Variants in THNSL2 observed in about 807,000 individuals in gnomAD.
THNSL2 encodes threonine synthase like 2.
THNSL2 carries 34 observed loss-of-function variants against 40.0 expected under a neutral mutation model. The observed-to-expected ratio is 0.85, with a 90% CI of 0.65 to 1.13. THNSL2 has a LOEUF of 1.13. THNSL2 is among the 50% of genes most tolerant of loss of function. The pLI, the probability that THNSL2 is intolerant of heterozygous loss-of-function variation, is 0.00. For missense variants in THNSL2, 537 were observed against 608.8 expected, an observed-to-expected ratio of 0.88 and a Z score of 1.24; for synonymous variants, 241 against 247.5, an observed-to-expected ratio of 0.97 and a Z score of 0.25.
chr2:88,186,266 T>C lies in THNSL2; in HGVS notation c.*143T>C, dbSNP rs1377914281. Reference sequence around the variant, plus strand: ...TGGATCTGGAGCCAGCTGGCTTTGCTCCGTTCCCTGGCTAGTCTGTGCCTG... The same window carrying C: ...TGGATCTGGAGCCAGCTGGCTTTGCCCCGTTCCCTGGCTAGTCTGTGCCTG... On this transcript the variant is annotated 3_prime_UTR_variant, in exon 9 of 9. Transcript: ENST00000674334. The C allele has an allele frequency of 1.3e-5, 11 of 823,408 alleles. No homozygotes were observed. The highest frequency in any genetic ancestry group is 1.9e-5 in the Non-Finnish European group (10 of 515,364). 51.0% of individuals were successfully genotyped at this position (823,408 alleles called of 1,614,324 possible).
At chr2:88,185,543 C>G in intron 8 of THNSL2, 64 bp downstream of exon 8, 1 of 1,555,898 alleles carries the variant, frequency 6.4e-7, no homozygotes, top group Non-Finnish European at 8.7e-7. Context: ...CTCTTCTTCT[C>G]CAAGCAGTGG....
At position 88,173,201 on chromosome 2, in the gene THNSL2, G is replaced by A; in HGVS notation, c.51G>A (p.Gly17=). 6.2e-7 allele frequency: 1 copy of A among 1,605,954 alleles called. No individual in the cohort carries two copies. The highest frequency in any genetic ancestry group is 8.5e-7 in the Non-Finnish European group (1 of 1,175,712). The stretch of plus-strand genomic sequence containing the variant: ...TAGCCCCACGGGTCAACTTTGAGGG[G>A]GCCCTCTTCTCTGGCTATGCACCTG... ...RGVAPRVNFE[G]ALFSGYAPDG... Residue 17 remains glycine (G), a synonymous_variant, in exon 2 of 9, where the codon GGG becomes GGA. Coordinates refer to ENST00000674334, the MANE Select transcript of THNSL2 (RefSeq NM_018271.5).
At position 88,182,782 on chromosome 2, in the gene THNSL2, C is replaced by T; in HGVS notation, c.886C>T (p.Gln296Ter). The T allele has an allele frequency of 6.2e-7, 1 of 1,614,168 alleles. No homozygotes were observed. ...NRNDIIHRTVQQGDFSLSEAV... is the reference protein window; with the variant it reads ...NRNDIIHRTV Reference sequence around the variant, plus strand: ...CAATGACATCATCCACAGGACTGTCCAGCAGGGAGACTTCTCTCTCTCTGA... The same window carrying T: ...CAATGACATCATCCACAGGACTGTCTAGCAGGGAGACTTCTCTCTCTCTGA... Residue 296 changes from glutamine to a stop codon, truncating the protein, a stop_gained, in exon 6 of 9, where the codon CAG becomes TAG. Coordinates refer to ENST00000674334, the MANE Select transcript of THNSL2 (RefSeq NM_018271.5). LOFTEE classifies it high-confidence loss of function.
chr2:88,170,882 T>G (rs1676295213), intron 1 of THNSL2, among the ~76,000 whole-genome samples: 1 of 152,008 alleles, frequency 6.6e-6, no homozygotes, highest in Non-Finnish European at 1.5e-5. Context: ...GTCCCACCCC[T>G]TCTCACAAAA....
At chr2:88,185,706 A>G in intron 8 of THNSL2, 192 bp from the exon 9 acceptor site, 1 of 1,551,294 alleles carries the variant, frequency 6.4e-7, no homozygotes, top group South Asian at 1.2e-5. Flanking sequence ...GCCTCCAACC[A>G]GGAGGAGCAG....
chr2:88,186,454 A>C lies in THNSL2; in HGVS notation c.*331A>C. The C allele has an allele frequency of 3.5e-6, 1 of 288,890 alleles. No homozygotes were observed. Among genetic ancestry groups the C allele is most frequent in the South Asian group, 4.7e-5 (1 of 21,102 alleles). 17.9% of individuals were successfully genotyped at this position (288,890 alleles called of 1,614,324 possible). On this transcript the variant is annotated 3_prime_UTR_variant, in exon 9 of 9. Transcript: ENST00000674334. ...CATGGCTCCAGGGGTTTAGGACCCC[A>C]GACCTGTGAAGGTGGGAGCAGCTCA...
chr2:88,184,836 G>T (rs1678091032), intron 7 of THNSL2, among the ~76,000 whole-genome samples: 1 of 152,176 alleles, frequency 6.6e-6, no homozygotes, highest in Non-Finnish European at 1.5e-5. Context: ...TATGCAGGGT[G>T]TTTGGTGTAT....
intron 5 of THNSL2, 181 bp from the exon 6 acceptor site, chr2:88,182,518 T>C (rs1677792613): frequency 1.1e-5 from 6 of 563,772 alleles, no homozygotes; most frequent in African/African-American, 1.9e-5. Context: ...TTATCAGATA[T>C]ATGAATTGCA....
intron 5 of THNSL2, among the ~76,000 whole-genome samples, chr2:88,181,816 C>T (rs1014462088): frequency 6.6e-6 from 1 of 152,092 alleles, no homozygotes; most frequent in Non-Finnish European, 1.5e-5. Flanking sequence ...AACCACGAAT[C>T]TATTTTGTCT....
In THNSL2 at chr2:88,175,404, G is replaced by A. The variant is rs775475236; in HGVS notation, c.571+3G>A. ...GCAGAACGTACATGTGTTTGGAGGT[G>A]TGTGCTGAGGCAGAGGCTCTAGGGA... is the stretch of plus-strand genomic sequence containing the variant. On this transcript the variant is annotated splice_donor_region_variant and intron_variant, in intron 4 of 8. Transcript: ENST00000674334. 3.7e-6 allele frequency: 6 copies of A among 1,614,044 alleles called. No homozygotes were observed. The highest frequency in any genetic ancestry group is 1.1e-5 in the South Asian group (1 of 91,060).
Position 88,173,126 on chromosome 2 carries a change from G to T in THNSL2, c.-12-13G>T. Reference sequence around the variant, plus strand: ...TTGGAGACCAGGTGCTTCTGGGACTGTCCTCTCTGCAGGCCTCCAGGATCA... The same window carrying T: ...TTGGAGACCAGGTGCTTCTGGGACTTTCCTCTCTGCAGGCCTCCAGGATCA... On this transcript the variant is annotated splice_polypyrimidine_tract_variant and intron_variant, in intron 1 of 8. Coordinates refer to ENST00000674334, the MANE Select transcript of THNSL2 (RefSeq NM_018271.5). 6.7e-7 allele frequency: 1 copy of T among 1,494,126 alleles called. No individual in the cohort carries two copies. The highest frequency in any genetic ancestry group is 9.0e-7 in the Non-Finnish European group (1 of 1,117,066). 92.6% of individuals were successfully genotyped at this position (1,494,126 alleles called of 1,614,324 possible).
In THNSL2 at chr2:88,178,383, C is replaced by T. The variant is rs536007118; in HGVS notation, c.572-400C>T. Among the ~76,000 whole-genome samples, 10 of 152,274 alleles carry T rather than the reference C, an allele frequency of 6.6e-5. No homozygotes were observed. The South Asian group carries it at 1.5e-3, about 22-fold the overall frequency. On this transcript the variant is annotated intron_variant, in intron 4 of 8. Transcript: ENST00000674334. Reference sequence around the variant, plus strand: ...GTGGAGGAAAGGCTACGTCTCTCACCGTTTTCCAATCAGGCACACAGTTTC... The same window carrying T: ...GTGGAGGAAAGGCTACGTCTCTCACTGTTTTCCAATCAGGCACACAGTTTC...
chr2:88,178,429 G>T (rs1231111482), intron 4 of THNSL2, among the ~76,000 whole-genome samples: 1 of 152,216 alleles, frequency 6.6e-6, no homozygotes, highest in African/African-American at 2.4e-5. Context: ...AAGAGTGGGG[G>T]AAGTGGGCAT....
At chr2:88,185,183 A>T in intron 7 of THNSL2, 145 bp from the exon 8 acceptor site, 2 of 1,153,656 alleles carry the variant, frequency 1.7e-6, no homozygotes, top group Non-Finnish European at 2.4e-6. Context: ...CCAGATTTTT[A>T]CTGTGAGCCA....
chr2:88,181,932 C>T (rs1677736262), intron 5 of THNSL2, among the ~76,000 whole-genome samples: 1 of 152,132 alleles, frequency 6.6e-6, no homozygotes, highest in Non-Finnish European at 1.5e-5. Context: ...TTTCAAGGTT[C>T]ATCCATGTTG....
At position 88,183,033 on chromosome 2, in the gene THNSL2, G is replaced by A; in HGVS notation, c.1037G>A (p.Arg346Lys). 6.2e-7 allele frequency: 1 copy of A among 1,613,870 alleles called. No homozygotes were observed. The highest frequency in any genetic ancestry group is 2.2e-5 in the East Asian group (1 of 44,878). ...AGAGCCCTCATGGAGCAGTTTGAAA[G>A]GACCCAAAGTGTGAATCTGCCCAAG... ...VTRALMEQFE[R>K]TQSVNLPKEL... The change falls in exon 7 of 9, where the codon AGG becomes AAG. Residue 346 changes from arginine (R) to lysine (K), a missense_variant. By Grantham distance (26) the Arg-to-Lys change is conservative. Coordinates refer to ENST00000674334, the MANE Select transcript of THNSL2 (RefSeq NM_018271.5).
At position 88,185,893 on chromosome 2, in the gene THNSL2, C is replaced by T; in HGVS notation, c.1230-5C>T. 6.3e-7 allele frequency: 1 copy of T among 1,594,372 alleles called. No individual in the cohort carries two copies. Among genetic ancestry groups the T allele is most frequent in the Non-Finnish European group, 8.5e-7 (1 of 1,170,994 alleles). ...TCCGGGTGCCACCTGCCCCCATCCCCACAGCACTCCCCGGTGCTGCCTCGC... is the reference window on the plus strand; with the variant it reads ...TCCGGGTGCCACCTGCCCCCATCCCTACAGCACTCCCCGGTGCTGCCTCGC... On this transcript the variant is annotated splice_polypyrimidine_tract_variant and splice_region_variant and intron_variant, in intron 8 of 8. Coordinates refer to ENST00000674334, the MANE Select transcript of THNSL2 (RefSeq NM_018271.5).
At chr2:88,173,003 C>T (rs954424410) in intron 1 of THNSL2, 136 bp from the exon 2 acceptor site, 185 of 487,304 alleles carry the variant, frequency 3.8e-4, no homozygotes, top group Non-Finnish European at 6.0e-4. Flanking sequence ...ACAGGACTGC[C>T]ATCTCTAGGT....
chr2:88,184,192 A>G (rs1274599851), intron 7 of THNSL2, among the ~76,000 whole-genome samples: 1 of 152,096 alleles, frequency 6.6e-6, no homozygotes, highest in Non-Finnish European at 1.5e-5. Context: ...GCACCCAAAG[A>G]TCAATTTATT....
Sources: gnomAD v4.1 joint callset for allele counts (sites outside exome capture counted in the v4.1 genomes callset) on GRCh38, gnomAD v4.1.1 for gene constraint, MANE v1.5 for transcripts, NCBI Gene and HGNC (gene_info 2026-07-23, HGNC 2026-07-21) for gene names.